Variants in OR52I2 observed in about 807,000 individuals in gnomAD.
The protein encoded by OR52I2 is olfactory receptor family 52 subfamily I member 2.
For missense variants in OR52I2, 350 were observed against 402.4 expected (o/e 0.87, Z 1.11); for synonymous variants, 147 against 151.9 (o/e 0.97, Z 0.24).
chr11:4,583,829 A>T (rs958629839), intron 1 of OR52I2, among the ~76,000 whole-genome samples: 3 of 152,238 alleles, frequency 2.0e-5, no homozygotes, highest in African/African-American at 4.8e-5. Context: ...GAGGACTCCT[A>T]TCACAGCTGT....
At chr11:4,587,455 G>A (rs1222065816) in exon 2 of OR52I2, 1 of 1,614,156 alleles carries the variant, frequency 6.2e-7, no homozygotes, top group Non-Finnish European at 8.5e-7. Context: ...CATAGCTTTG[G>A]CCAGGTTAGC....
At chr11:4,583,280 AC>A (rs111833287) in intron 1 of OR52I2, among the ~76,000 whole-genome samples, 14 of 151,786 alleles carry the variant, frequency 9.2e-5, no homozygotes, top group South Asian at 2.1e-4. Context: ...TTAAAAAAAA[AC>A]CCACCACTCT....
At chr11:4,586,735 T>C in intron 1 of OR52I2, 137 bp from the exon 2 acceptor site, 4 of 1,195,330 alleles carry the variant, frequency 3.3e-6, no homozygotes, top group Admixed American at 2.0e-5. Flanking sequence ...TGGTACAGGA[T>C]AATTTTGTCA....
intron 1 of OR52I2, among the ~76,000 whole-genome samples, chr11:4,584,652 A>C (rs1408608081): frequency 6.6e-6 from 1 of 151,254 alleles, no homozygotes; most frequent in Non-Finnish European, 1.5e-5. Flanking sequence ...ATGAAGAAAC[A>C]AAAAAAAATA....
chr11:4,584,707 A>G (rs186662535), intron 1 of OR52I2, among the ~76,000 whole-genome samples: 8 of 152,320 alleles, frequency 5.3e-5, no homozygotes, highest in Admixed American at 3.9e-4. Context: ...GAACTGATCT[A>G]TAATGGGACA....
At chr11:4,587,100 G>A in exon 2 of OR52I2, 1 of 1,614,134 alleles carries the variant, frequency 6.2e-7, no homozygotes, top group South Asian at 1.1e-5. Flanking sequence ...TGTGTGTTCT[G>A]GCTGCTGTGG....
chr11:4,581,892 T>C (rs1846260614), intron 1 of OR52I2, 28 bp downstream of exon 1: 1 of 152,256 alleles, frequency 6.6e-6, no homozygotes, highest in South Asian at 2.1e-4. Context: ...GAATCAGGTG[T>C]TGGGCTGATA....
chr11:4,587,967 G>A, exon 2 of OR52I2: 1 of 934,088 alleles, frequency 1.1e-6, no homozygotes, highest in Non-Finnish European at 1.7e-6. Flanking sequence ...AAGGTGTAAA[G>A]GATATCCTTG....
Position 4,587,062 on chromosome 11 carries a change from A to C in OR52I2, c.172A>C (p.Thr58Pro), listed in dbSNP as rs764332350. 4.3e-6 allele frequency: 7 copies of C among 1,613,792 alleles called. No homozygotes were observed. The East Asian group carries it at 1.3e-4, about 31-fold the overall frequency. The change falls in exon 2 of 2, where the codon ACT becomes CCT. Residue 58 changes from threonine to proline, a missense_variant. Transcript: ENST00000641896. ...CGTGACTGCAATCTGGATGGATTCCACTCGGCATGAGCCCATGTATTGCTT... is the reference window on the plus strand; with the variant it reads ...CGTGACTGCAATCTGGATGGATTCCCCTCGGCATGAGCCCATGTATTGCTT...
chr11:4,587,224 A>G (rs1193206888), exon 2 of OR52I2: 1 of 1,614,096 alleles, frequency 6.2e-7, no homozygotes. Flanking sequence ...CCACTTAGCC[A>G]CAGCTGTGGA....
chr11:4,587,511 C>T, exon 2 of OR52I2: 1 of 1,614,198 alleles, frequency 6.2e-7, no homozygotes, highest in Admixed American at 1.7e-5. Context: ...TGATTGGTTC[C>T]TCTCTTATGG....
At chr11:4,590,941 G>T (rs1312899210) in exon 2 of OR52I2, 1 of 152,080 alleles carries the variant, frequency 6.6e-6, no homozygotes, top group Non-Finnish European at 1.5e-5. Context: ...TAAGCTCAGG[G>T]ATTTTATTTT....
At chr11:4,586,675 T>C (rs1233000822) in intron 1 of OR52I2, 197 bp from the exon 2 acceptor site, 1 of 733,724 alleles carries the variant, frequency 1.4e-6, no homozygotes, top group Non-Finnish European at 2.2e-6. Context: ...AGCTGATCCA[T>C]GAACAATGAA....
rs763021127 is a variant in OR52I2, at chr11:4,587,815, T to C, written c.925T>C (p.Trp309Arg). The stretch of plus-strand genomic sequence containing the variant: ...GACCAAACAACTGCGGGAGAGAATA[T>C]GGAGTTATCTGATGCATGTCCTCTT... The change falls in exon 2 of 2, where the codon TGG becomes CGG. Residue 309 changes from tryptophan to arginine, a missense_variant. Coordinates refer to ENST00000641896, the Ensembl canonical transcript of OR52I2. The C allele has an allele frequency of 6.2e-7, 1 of 1,614,072 alleles. No homozygotes were observed. Among genetic ancestry groups the C allele is most frequent in the South Asian group, 1.1e-5 (1 of 91,082 alleles).
At chr11:4,589,423 A>T (rs932733860) in exon 2 of OR52I2, 8 of 152,260 alleles carry the variant, frequency 5.3e-5, no homozygotes. Context: ...AAAGTTAAAC[A>T]GAGAAAACTC....
intron 1 of OR52I2, among the ~76,000 whole-genome samples, chr11:4,584,433 A>G (rs566276899): frequency 6.6e-6 from 1 of 152,330 alleles, no homozygotes; most frequent in South Asian, 2.1e-4. Flanking sequence ...ATTTCTCTGG[A>G]AGCAAAATGA....
rs116084071 is a variant in OR52I2 at position 4,588,320 on chromosome 11, T to C, written c.*455T>C. The C allele has an allele frequency of 4.1e-3, 679 of 164,556 alleles. 5 individuals are homozygous for C. The highest frequency in any genetic ancestry group is 0.015 in the African/African-American group (631 of 41,736). 10.2% of individuals were successfully genotyped at this position (164,556 alleles called of 1,614,324 possible). On this transcript the variant is annotated 3_prime_UTR_variant, in exon 2 of 2. Transcript: ENST00000641896. ...TTTTTCATACTTCCAAATAGTTATCTACCCTTCGCCATTAAAAAGAAAAAC... is the reference window on the plus strand; with the variant it reads ...TTTTTCATACTTCCAAATAGTTATCCACCCTTCGCCATTAAAAAGAAAAAC...
Position 4,587,546 on chromosome 11 carries a change from C to G in OR52I2, c.656C>G (p.Ala219Gly), listed in dbSNP as rs1049435001. 9 of 1,614,048 alleles carry G rather than the reference C, an allele frequency of 5.6e-6. No individual in the cohort carries two copies. The highest frequency in any genetic ancestry group is 1.7e-5 in the Admixed American group (1 of 60,010). ...GTGGGCTCTGATGTGGCCTTCATTGCTGCCTCCTATATCTTAATTCTCAAG... is the reference window on the plus strand; with the variant it reads ...GTGGGCTCTGATGTGGCCTTCATTGGTGCCTCCTATATCTTAATTCTCAAG... Residue 219 changes from alanine to glycine, a missense_variant, in exon 2 of 2, where the codon GCT becomes GGT. Coordinates refer to ENST00000641896, the Ensembl canonical transcript of OR52I2.
chr11:4,587,297 A>T, exon 2 of OR52I2: 1 of 1,613,764 alleles, frequency 6.2e-7, no homozygotes, highest in Non-Finnish European at 8.5e-7. Context: ...CCTCTACACT[A>T]CAAGAGAATT....
Sources: gnomAD v4.1 joint callset for allele counts (sites outside exome capture counted in the v4.1 genomes callset) on GRCh38, gnomAD v4.1.1 for gene constraint, MANE v1.5 for transcripts, NCBI Gene and HGNC (gene_info 2026-07-23, HGNC 2026-07-21) for gene names.